Variants in AHRR observed in about 807,000 individuals in gnomAD.
AHRR encodes the protein ahR repressor.
A neutral mutation model predicts 44.0 loss-of-function variants in AHRR; 28 were observed. That is an observed-to-expected ratio of 0.64 (90% confidence interval 0.47 to 0.87). The LOEUF (loss-of-function observed/expected upper bound fraction) is 0.87, where lower values mean the gene tolerates loss of function less well. Among genes scored for constraint, AHRR ranks in the 40% least tolerant of loss-of-function variants. The probability of loss-of-function intolerance (pLI) is 0.00; values close to 1 mark genes in which losing one functional copy is unlikely to be tolerated. For synonymous variants in AHRR, 434 were observed against 407.0 expected, an observed-to-expected ratio of 1.07 and a Z score of -0.80; for missense variants, 990 against 953.9, an observed-to-expected ratio of 1.04 and a Z score of -0.50.
At chr5:429,730 G>A (rs530847546) in intron 8 of AHRR, among the ~76,000 whole-genome samples, 5 of 152,366 alleles carry the variant, frequency 3.3e-5, no homozygotes, top group Admixed American at 1.3e-4. Flanking sequence ...CTTAGCAGGC[G>A]TCGAATTCAG....
At chr5:371,252 G>A (rs1743571835) in intron 3 of AHRR, among the ~76,000 whole-genome samples, 1 of 152,170 alleles carries the variant, frequency 6.6e-6, no homozygotes, top group Non-Finnish European at 1.5e-5. Flanking sequence ...GATTCAAATG[G>A]GACCGCCATC....
chr5:345,645 C>A (rs1253264911), intron 2 of AHRR, among the ~76,000 whole-genome samples: 1 of 151,640 alleles, frequency 6.6e-6, no homozygotes, highest in Admixed American at 6.6e-5. Flanking sequence ...GCTGCAGGGG[C>A]TGTAGGATTC....
Position 380,805 on chromosome 5 carries a change from T to G in AHRR, c.351+4089T>G, listed in dbSNP as rs185319175. Among the ~76,000 whole-genome samples, 27 of 152,316 alleles carry G rather than the reference T, an allele frequency of 1.8e-4. No homozygotes were observed. In the East Asian group the frequency reaches 5.2e-3, roughly 29 times the overall value. On this transcript the variant is annotated intron_variant, in intron 4 of 10. Transcript: ENST00000684583. ...ACCAATAGGTTATATGTGAGGAGCC[T>G]TATTAGAGGAATTGGCTTACATGAT...
At chr5:417,849 G>T (rs1228688942) in intron 5 of AHRR, among the ~76,000 whole-genome samples, 1 of 152,224 alleles carries the variant, frequency 6.6e-6, no homozygotes, top group Non-Finnish European at 1.5e-5. Context: ...CTTTGTGCTT[G>T]TGTGAGCTTA....
intron 4 of AHRR, among the ~76,000 whole-genome samples, chr5:398,169 A>G: frequency 8.2e-6 from 1 of 121,628 alleles, no homozygotes; most frequent in East Asian, 2.2e-4. Flanking sequence ...GTAGCCCCTG[A>G]CCATCCACGT....
At chr5:365,512 G>A (rs1313735844) in intron 3 of AHRR, among the ~76,000 whole-genome samples, 1 of 152,002 alleles carries the variant, frequency 6.6e-6, no homozygotes, top group Non-Finnish European at 1.5e-5. Context: ...TATAAAAGAA[G>A]GCTAAATATT....
intron 4 of AHRR, among the ~76,000 whole-genome samples, chr5:380,512 T>A (rs930725099): frequency 7.2e-5 from 11 of 152,218 alleles, no homozygotes; most frequent in Admixed American, 7.2e-4. Context: ...TCATCGGTGT[T>A]TTGTAGTTTT....
chr5:435,417 G>A lies in AHRR; in HGVS notation c.*583G>A, dbSNP rs1439520261. 3.9e-5 allele frequency: 6 copies of A among 153,928 alleles called. No individual in the cohort carries two copies. The highest frequency in any genetic ancestry group is 7.2e-5 in the Non-Finnish European group (5 of 69,270). The allele number at this position is 153,928 out of a possible 1,614,324, so 9.5% of individuals were successfully genotyped here. On this transcript the variant is annotated 3_prime_UTR_variant, in exon 11 of 11. Transcript: ENST00000684583. The stretch of plus-strand genomic sequence containing the variant: ...ATACAACACGCGGAGAAAGGGGTCC[G>A]TGAGCCCACTCATAGAGGAATCTAG...
rs1462137601 is a variant in AHRR at position 383,525 on chromosome 5, CTT to C, written c.351+6811_351+6812del. 6.6e-6 allele frequency among the ~76,000 whole-genome samples: 1 copy of C among 151,076 alleles called. No individual in the cohort carries two copies. Among genetic ancestry groups the C allele is most frequent in the Non-Finnish European group, 1.5e-5 (1 of 67,800 alleles). On this transcript the variant is annotated intron_variant, in intron 4 of 10. Transcript: ENST00000684583. The surrounding 1 kb of genome is among the most constrained non-coding windows in gnomAD (Gnocchi z 4.0). ...GTAGTTTCTCTTGTTCTGAAATCCA[CTT>C]TGTCTGGTACTAATATAGCATTCCA...
chr5:329,348 C>T (rs2126323700), intron 1 of AHRR, among the ~76,000 whole-genome samples: 1 of 152,104 alleles, frequency 6.6e-6, no homozygotes, highest in Non-Finnish European at 1.5e-5. Flanking sequence ...TGGGTGTGTG[C>T]CACCATGCCT....
At chr5:340,307 C>A (rs1355615432) in intron 1 of AHRR, among the ~76,000 whole-genome samples, 1 of 151,982 alleles carries the variant, frequency 6.6e-6, no homozygotes, top group Non-Finnish European at 1.5e-5. Flanking sequence ...TCTTACTCTG[C>A]TTGGGCTGCC....
chr5:373,482 T>G (rs1014677031), intron 3 of AHRR, among the ~76,000 whole-genome samples: 4 of 152,306 alleles, frequency 2.6e-5, no homozygotes, highest in Non-Finnish European at 4.4e-5. Flanking sequence ...CAGCTGTGCC[T>G]TGTAAGGGCC....
rs143023856 is a variant in AHRR at position 387,526 on chromosome 5, G to A, written c.351+10810G>A. Among the ~76,000 whole-genome samples the A allele has an allele frequency of 2.4e-3, 363 of 152,292 alleles. 1 individual carries two copies. Among genetic ancestry groups the A allele is most frequent in the African/African-American group, 8.5e-3 (352 of 41,572 alleles). On this transcript the variant is annotated intron_variant, in intron 4 of 10. Transcript: ENST00000684583. This position sits in a 1 kb window ranked among gnomAD's most constrained non-coding sequence, Gnocchi z 5.1. ...CACAAACCTTTGCCACAGCAGCCAC[G>A]CAACAGGCACACAACAGCCATGCAG...
At chr5:413,217 C>T (rs1735541952) in intron 4 of AHRR, 127 bp from the exon 5 acceptor site, 1 of 604,046 alleles carries the variant, frequency 1.7e-6, no homozygotes, top group Non-Finnish European at 2.8e-6. Context: ...GTGGGCATTT[C>T]TAGAGGTTAT....
At chr5:350,521 G>A (rs1742823687) in intron 2 of AHRR, among the ~76,000 whole-genome samples, 1 of 152,132 alleles carries the variant, frequency 6.6e-6, no homozygotes, top group South Asian at 2.1e-4. Context: ...CCTCCTGGCT[G>A]TCCTCTCCCC....
chr5:381,196 C>T (rs994142349), intron 4 of AHRR, among the ~76,000 whole-genome samples: 14 of 152,212 alleles, frequency 9.2e-5, no homozygotes, highest in African/African-American at 1.7e-4. Context: ...CTCAGTCCAC[C>T]GAATCACATG....
rs1735174213 is a variant in AHRR, at chr5:404,499, A to G, written c.352-8845A>G. 4 of 455,572 alleles carry G rather than the reference A, an allele frequency of 8.8e-6. No homozygotes were observed. Among genetic ancestry groups the G allele is most frequent in the Non-Finnish European group, 1.8e-5 (4 of 227,246 alleles). The allele number at this position is 455,572 out of a possible 1,614,324, so 28.2% of individuals were successfully genotyped here. A position where few individuals can be genotyped will look rare whatever the true frequency, so the allele number is the denominator to read the frequency against. On this transcript the variant is annotated intron_variant, in intron 4 of 10. Coordinates refer to ENST00000684583, the MANE Select transcript of AHRR (RefSeq NM_001377236.1). This position sits in a 1 kb window ranked among gnomAD's most constrained non-coding sequence, Gnocchi z 4.1. ...CAAAACATCTAACGCAACTATTTTC[A>G]GACTTTACGGTTTGTAGTGATAACC...
chr5:343,589 C>G (rs938475551), intron 1 of AHRR: 2 of 402,508 alleles, frequency 5.0e-6, no homozygotes, highest in African/African-American at 2.1e-5. Context: ...CTCAGGACGC[C>G]GGTCTCCCGC....
chr5:397,661 C>T (rs113871103), intron 4 of AHRR, among the ~76,000 whole-genome samples: 3 of 115,714 alleles, frequency 2.6e-5, no homozygotes, highest in Non-Finnish European at 1.7e-5. Flanking sequence ...TGACCATCCA[C>T]GTAGCCCCTG....
Sources: gnomAD v4.1 joint callset for allele counts (sites outside exome capture counted in the v4.1 genomes callset) on GRCh38, gnomAD v4.1.1 for gene constraint, Gnocchi (gnomAD v3.1) non-coding constraint, MANE v1.5 for transcripts, NCBI Gene and HGNC (gene_info 2026-07-23, HGNC 2026-07-21) for gene names.